The following CMPK1 variants were observed in gnomAD, a reference collection of about 807,000 sequenced individuals.
CMPK1 encodes the protein UMP-CMP kinase.
A neutral mutation model predicts 25.7 loss-of-function variants in CMPK1; 10 were observed. The ratio of observed to expected loss-of-function variants is 0.39; its 90% CI spans 0.24 to 0.66. CMPK1 has a LOEUF of 0.66. Among genes scored for constraint, CMPK1 ranks in the 30% least tolerant of loss-of-function variants. The pLI is 0.48. For synonymous variants in CMPK1, 106 were observed against 101.5 expected (o/e 1.04, Z -0.27); for missense variants, 199 against 280.5 (o/e 0.71, Z 2.08).
intron 1 of CMPK1, 59 bp downstream of exon 1, chr1:47,334,175 C>A (rs1646378174): frequency 1.1e-5 from 14 of 1,318,176 alleles, no homozygotes; most frequent in Non-Finnish European, 1.4e-5. Flanking sequence ...GCCGGCCTGT[C>A]CCGCCGCCCC....
Position 47,373,053 on chromosome 1 carries a change from C to T in CMPK1, c.417C>T (p.Thr139=), listed in dbSNP as rs1387263199. ...NQDNLQGWNK[T]MDGKADVSFV... Reference sequence around the variant, plus strand: ...ACAACCTTCAAGGATGGAACAAGACCATGGATGGGAAGGCAGATGTATCTT... The same window carrying T: ...ACAACCTTCAAGGATGGAACAAGACTATGGATGGGAAGGCAGATGTATCTT... The change falls in exon 3 of 6, where the codon ACC becomes ACT. Residue 139 remains threonine (T), a synonymous_variant. Coordinates refer to ENST00000371873, the MANE Select transcript of CMPK1 (RefSeq NM_016308.3). 1.2e-6 allele frequency: 2 copies of T among 1,611,120 alleles called. No homozygotes were observed. The highest frequency in any genetic ancestry group is 3.3e-5 in the Admixed American group (2 of 59,792).
intron 1 of CMPK1, among the ~76,000 whole-genome samples, chr1:47,342,168 G>A (rs1646446034): frequency 6.6e-6 from 1 of 151,660 alleles, no homozygotes. Context: ...TGCAACCTCC[G>A]CCTCCTGGGT....
intron 1 of CMPK1, among the ~76,000 whole-genome samples, chr1:47,358,104 CTTT>C (rs398039948): frequency 1.1e-4 from 9 of 78,748 alleles, no homozygotes; most frequent in South Asian, 6.0e-4. Context: ...CATAGTAGGT[CTTT>C]TTTTTTTTTT....
chr1:47,368,442 T>A (rs764480752), intron 1 of CMPK1, 27 bp from the exon 2 acceptor site: 4 of 1,569,040 alleles, frequency 2.5e-6, no homozygotes, highest in Non-Finnish European at 3.5e-6. Context: ...TGAATTCTGA[T>A]ATTTTTCCTA....
At chr1:47,369,849 C>T (rs1482395128) in intron 2 of CMPK1, among the ~76,000 whole-genome samples, 3 of 148,868 alleles carry the variant, frequency 2.0e-5, no homozygotes, top group Admixed American at 1.3e-4. Flanking sequence ...TGTGAGCCAC[C>T]GTGCCCGGCC....
At chr1:47,372,582 T>C (rs2149334711) in intron 2 of CMPK1, among the ~76,000 whole-genome samples, 1 of 152,244 alleles carries the variant, frequency 6.6e-6, no homozygotes, top group Non-Finnish European at 1.5e-5. Flanking sequence ...TAATGGTTAT[T>C]TTCCTCTTAT....
chr1:47,369,853 C>T (rs913410016), intron 2 of CMPK1, among the ~76,000 whole-genome samples: 1 of 145,120 alleles, frequency 6.9e-6, no homozygotes, highest in Non-Finnish European at 1.5e-5. Context: ...AGCCACCGTG[C>T]CCGGCCCCCA....
intron 1 of CMPK1, among the ~76,000 whole-genome samples, chr1:47,350,992 C>T (rs529628903): frequency 9.9e-5 from 15 of 152,050 alleles, no homozygotes; most frequent in South Asian, 2.1e-4. Context: ...ACTGTCTCTA[C>T]GAGTTTGCCT....
At chr1:47,358,883 C>G in intron 1 of CMPK1, 1 of 985,092 alleles carries the variant, frequency 1.0e-6, no homozygotes, top group Non-Finnish European at 1.2e-6. Context: ...ACCTGAGATA[C>G]TAAAATGTGA....
intron 2 of CMPK1, 71 bp from the exon 3 acceptor site, chr1:47,372,884 A>G: frequency 1.6e-6 from 2 of 1,240,680 alleles, no homozygotes; most frequent in South Asian, 3.2e-5. Flanking sequence ...ACACCCATGT[A>G]TACACTACCA....
intron 1 of CMPK1, among the ~76,000 whole-genome samples, chr1:47,339,230 G>A (rs1646421603): frequency 6.6e-6 from 1 of 151,812 alleles, no homozygotes; most frequent in Non-Finnish European, 1.5e-5. Flanking sequence ...GGCTGGTCTC[G>A]AACTTCTGAC....
chr1:47,360,243 G>T (rs562156447), intron 1 of CMPK1, among the ~76,000 whole-genome samples: 2 of 152,170 alleles, frequency 1.3e-5, no homozygotes, highest in East Asian at 3.9e-4. Flanking sequence ...TCCTTCTAAT[G>T]TAGGGAATGC....
intron 1 of CMPK1, 67 bp downstream of exon 1, chr1:47,334,183 C>G: frequency 8.0e-7 from 1 of 1,242,356 alleles, no homozygotes; most frequent in Non-Finnish European, 1.0e-6. Flanking sequence ...GTCCCGCCGC[C>G]CCTAGTCCGC....
intron 1 of CMPK1, among the ~76,000 whole-genome samples, chr1:47,364,872 C>T (rs1007756913): frequency 2.0e-5 from 3 of 151,924 alleles, no homozygotes; most frequent in Admixed American, 1.3e-4. Flanking sequence ...AAGTTTTCCT[C>T]CTGCCTCAAA....
intron 1 of CMPK1, among the ~76,000 whole-genome samples, chr1:47,359,274 G>A (rs1039038288): frequency 2.6e-5 from 4 of 151,114 alleles, no homozygotes; most frequent in Non-Finnish European, 4.4e-5. Context: ...CCAAGATCGC[G>A]CCACCGCACT....
intron 1 of CMPK1, among the ~76,000 whole-genome samples, chr1:47,340,622 T>C (rs1422654065): frequency 6.6e-6 from 1 of 152,126 alleles, no homozygotes; most frequent in Non-Finnish European, 1.5e-5. Context: ...AAGAATATGC[T>C]TCTTTCCTTC....
Position 47,353,522 on chromosome 1 carries a change from C to T in CMPK1, c.172-14947C>T, listed in dbSNP as rs896790274. 7.2e-5 allele frequency among the ~76,000 whole-genome samples: 11 copies of T among 152,280 alleles called. No individual in the cohort carries two copies. In the South Asian group the frequency reaches 1.9e-3, roughly 26 times the overall value. ...AATATGTCTCCAGAGCTGCTATTCT[C>T]TATCATGATTTAGTTTTAAATTTTA... is the stretch of plus-strand genomic sequence containing the variant. On this transcript the variant is annotated intron_variant, in intron 1 of 5. Coordinates refer to ENST00000371873, the MANE Select transcript of CMPK1 (RefSeq NM_016308.3).
At chr1:47,355,369 A>G (rs1646552856) in intron 1 of CMPK1, among the ~76,000 whole-genome samples, 2 of 125,286 alleles carry the variant, frequency 1.6e-5, no homozygotes, top group African/African-American at 3.0e-5. Context: ...TTTTTTTGAG[A>G]CAGAGTCTCA....
intron 1 of CMPK1, among the ~76,000 whole-genome samples, chr1:47,356,970 T>A (rs1403976555): frequency 3.3e-5 from 5 of 150,344 alleles, no homozygotes; most frequent in Non-Finnish European, 7.4e-5. Context: ...CTGCCTTTTT[T>A]TTTTTTTTTT....
Sources: allele counts gnomAD v4.1 joint callset (sites outside exome capture counted in the v4.1 genomes callset), GRCh38; gene constraint gnomAD v4.1.1; transcripts MANE v1.5; gene names NCBI Gene and HGNC (gene_info 2026-07-23, HGNC 2026-07-21).